COL6A6: variants seen among roughly 807,000 people sequenced by gnomAD.
The protein encoded by COL6A6 is collagen type VI alpha 6 chain, also known as collagen alpha-6(VI) chain.
COL6A6 carries 183 observed loss-of-function variants against 208.6 expected under a neutral mutation model. The observed-to-expected ratio is 0.88, with a 90% CI of 0.78 to 0.99. The LOEUF is 0.99. Among genes scored for constraint, COL6A6 ranks in the 50% least tolerant of loss-of-function variants. The pLI is 0.00. For missense variants in COL6A6, 2,816 were observed against 2,815.2 expected (o/e 1.00, Z -0.01); for synonymous variants, 973 against 1,011.8 (o/e 0.96, Z 0.73).
At chr3:130,533,633 A>G (rs1015964175) in intron 1 of COL6A6, among the ~76,000 whole-genome samples, 13 of 152,130 alleles carry the variant, frequency 8.5e-5, no homozygotes, top group African/African-American at 3.1e-4. Context: ...CCCATTTTCC[A>G]CTTTGCATTC....
At chr3:130,618,109 T>C (rs1444342758) in intron 23 of COL6A6, among the ~76,000 whole-genome samples, 2 of 152,126 alleles carry the variant, frequency 1.3e-5, no homozygotes, top group African/African-American at 4.8e-5. Context: ...GAGCCACATT[T>C]TTTTTAGAAC....
intron 33 of COL6A6, among the ~76,000 whole-genome samples, chr3:130,652,032 C>T (rs2065659709): frequency 6.6e-6 from 1 of 152,098 alleles, no homozygotes; most frequent in Non-Finnish European, 1.5e-5. Context: ...TTCATAATGA[C>T]CCCCATTAAT....
intron 28 of COL6A6, among the ~76,000 whole-genome samples, chr3:130,638,720 G>T (rs1175521933): frequency 6.6e-6 from 1 of 152,170 alleles, no homozygotes; most frequent in African/African-American, 2.4e-5. Context: ...CAACAGTTCT[G>T]GGTTGGAATT....
At chr3:130,537,122 T>G (rs2062244169) in intron 1 of COL6A6, among the ~76,000 whole-genome samples, 1 of 152,238 alleles carries the variant, frequency 6.6e-6, no homozygotes, top group African/African-American at 2.4e-5. Flanking sequence ...ATTTAACAGT[T>G]AATTATTTTT....
chr3:130,522,829 A>G (rs960369418), intron 1 of COL6A6, among the ~76,000 whole-genome samples: 1 of 151,626 alleles, frequency 6.6e-6, no homozygotes, highest in African/African-American at 2.4e-5. Flanking sequence ...CAATCTCTAC[A>G]AACTTCTCTC....
At chr3:130,663,454 A>C (rs1005002773) in intron 35 of COL6A6, among the ~76,000 whole-genome samples, 4 of 151,982 alleles carry the variant, frequency 2.6e-5, no homozygotes, top group African/African-American at 9.7e-5. Context: ...ATTTATGTGG[A>C]TGTATTCTGG....
rs556690889 is a variant in COL6A6, at chr3:130,583,684, G to A, written c.3970+1616G>A. On this transcript the variant is annotated intron_variant, in intron 10 of 36. Transcript: ENST00000358511. ...GAAAGTGACCATCTTTGACATGGTT[G>A]AGTGTGAATAATTTGGTTACCAGTT... Among the ~76,000 whole-genome samples, 3 of 152,318 alleles carry A rather than the reference G, an allele frequency of 2.0e-5. No homozygotes were observed. In the South Asian group the frequency reaches 6.2e-4, roughly 32 times the overall value.
chr3:130,675,108 G>A (rs2066325531), intron 36 of COL6A6, 94 bp from the exon 37 acceptor site: 4 of 815,442 alleles, frequency 4.9e-6, no homozygotes, highest in African/African-American at 1.7e-5. Flanking sequence ...CAAGGAAATG[G>A]GTGAAACAAT....
At chr3:130,557,429 C>G (rs1454220065) in intron 1 of COL6A6, among the ~76,000 whole-genome samples, 1 of 152,168 alleles carries the variant, frequency 6.6e-6, no homozygotes, top group Non-Finnish European at 1.5e-5. Context: ...TTAAGGCTCA[C>G]TCTGAATATT....
chr3:130,673,218 A>C (rs199557086), intron 36 of COL6A6, among the ~76,000 whole-genome samples: 1 of 86,388 alleles, frequency 1.2e-5, no homozygotes, highest in East Asian at 3.3e-4. Context: ...CAAAAAAAAC[A>C]AAAAAAAAAA....
chr3:130,620,217 G>C (rs950709417), intron 23 of COL6A6, among the ~76,000 whole-genome samples: 2 of 152,152 alleles, frequency 1.3e-5, no homozygotes, highest in African/African-American at 4.8e-5. Context: ...ATGTATTTAG[G>C]AGTCATTGTG....
At chr3:130,538,138 C>T (rs1173369080) in intron 1 of COL6A6, among the ~76,000 whole-genome samples, 2 of 152,188 alleles carry the variant, frequency 1.3e-5, no homozygotes, top group African/African-American at 2.4e-5. Context: ...CTCAGATCAG[C>T]AGGACTGGCT....
intron 34 of COL6A6, 108 bp from the exon 35 acceptor site, chr3:130,661,529 C>A: frequency 1.2e-6 from 1 of 832,738 alleles, no homozygotes; most frequent in South Asian, 1.9e-5. Context: ...TATTTAGTCA[C>A]TATTTTAACA....
intron 1 of COL6A6, among the ~76,000 whole-genome samples, chr3:130,534,382 T>C (rs1422995972): frequency 6.6e-6 from 1 of 152,218 alleles, no homozygotes; most frequent in Admixed American, 6.5e-5. Context: ...TATTGATTCA[T>C]AGATTAAATA....
chr3:130,649,197 C>G lies in COL6A6; in HGVS notation c.5368C>G (p.Arg1790Gly). The G allele has an allele frequency of 6.3e-7, 1 of 1,593,824 alleles. No homozygotes were observed. The highest frequency in any genetic ancestry group is 8.5e-7 in the Non-Finnish European group (1 of 1,170,004). ...TTTCCTGGTGAGAGACATTAAGGTC[C>G]GGGAGAACAGCTGCCCCGTGGGAGC... ...MAFLVRDIKV[R>G]ENSCPVGAHI... The change falls in exon 33 of 37, where the codon CGG becomes GGG. Residue 1790 changes from arginine to glycine, a missense_variant. By Grantham distance (125) the Arg-to-Gly change is moderately radical. Transcript: ENST00000358511.
chr3:130,568,153 C>A lies in COL6A6; in HGVS notation c.1950C>A (p.Ser650Arg). ...KMKTFMKNLV[S>R]KSQIGPDRVQ... ...AAACATTTATGAAAAACCTGGTGAG[C>A]AAGTCTCAGATTGGACCAGATCGGG... The change falls in exon 6 of 37, where the codon AGC becomes AGA. Residue 650 changes from serine to arginine, a missense_variant. Coordinates refer to ENST00000358511, the MANE Select transcript of COL6A6 (RefSeq NM_001102608.3). The A allele has an allele frequency of 1.9e-6, 3 of 1,613,968 alleles. No homozygotes were observed. The highest frequency in any genetic ancestry group is 2.5e-6 in the Non-Finnish European group (3 of 1,179,858).
rs2108002408 is a variant in COL6A6, at chr3:130,581,629, G to A, written c.3616G>A (p.Gly1206Ser). ...GGAGAAAGGGCAGACTTTGCTTGAA[G>A]GTCAGCCTTGGATGGAAACCTACCT... ...TQEKGQTLLE[G>S]QPWMETYLQD... The change falls in exon 9 of 37, where the codon GGT becomes AGT. Residue 1206 changes from glycine to serine, a missense_variant. Physicochemically the swap from Gly to Ser is moderately conservative, Grantham distance 56. Coordinates refer to ENST00000358511, the MANE Select transcript of COL6A6 (RefSeq NM_001102608.3). 1 of 1,613,922 alleles carries A rather than the reference G, an allele frequency of 6.2e-7. No homozygotes were observed. The highest frequency in any genetic ancestry group is 2.2e-5 in the East Asian group (1 of 44,880).
At chr3:130,585,020 A>G (rs939569800) in intron 10 of COL6A6, among the ~76,000 whole-genome samples, 6 of 151,882 alleles carry the variant, frequency 4.0e-5, no homozygotes, top group African/African-American at 1.5e-4. Context: ...CTCTTCATCT[A>G]CTCATTTCAT....
Position 130,603,301 on chromosome 3 carries a change from C to T in COL6A6, c.4653+3491C>T, listed in dbSNP as rs142167238. On this transcript the variant is annotated intron_variant, in intron 20 of 36. Coordinates refer to ENST00000358511, the MANE Select transcript of COL6A6 (RefSeq NM_001102608.3). The stretch of plus-strand genomic sequence containing the variant: ...CCGCCCATTAGCTGCCAGTAACACC[C>T]CTGACCTGTAACAATGAAAAATGTC... 1.4e-3 allele frequency among the ~76,000 whole-genome samples: 212 copies of T among 152,310 alleles called. 1 individual carries two copies. The highest frequency in any genetic ancestry group is 4.8e-3 in the African/African-American group (201 of 41,550).
Sources: allele counts gnomAD v4.1 joint callset (sites outside exome capture counted in the v4.1 genomes callset), GRCh38; gene constraint gnomAD v4.1.1; transcripts MANE v1.5; gene names NCBI Gene and HGNC (gene_info 2026-07-23, HGNC 2026-07-21).